Variants in CBFA2T2 observed in about 807,000 individuals in gnomAD.
The protein encoded by CBFA2T2 is protein CBFA2T2.
In CBFA2T2, 11 loss-of-function variants were observed where a neutral mutation model predicts 62.2. The observed-to-expected ratio is 0.18, with a 90% CI of 0.11 to 0.29. The LOEUF is 0.29. Ranked by LOEUF, CBFA2T2 falls within the 10% of genes least tolerant of loss-of-function variation. The probability of loss-of-function intolerance (pLI) is 1.00; values close to 1 mark genes in which losing one functional copy is unlikely to be tolerated. For missense variants in CBFA2T2, 592 were observed against 774.1 expected (o/e 0.76, Z 2.79); for synonymous variants, 295 against 287.5 (o/e 1.03, Z -0.27).
intron 1 of CBFA2T2, among the ~76,000 whole-genome samples, chr20:33,565,765 T>C (rs2013284304): frequency 6.6e-6 from 1 of 152,176 alleles, no homozygotes; most frequent in African/African-American, 2.4e-5. Flanking sequence ...TTCTCCTAAA[T>C]TGGCTTCCAG....
intron 1 of CBFA2T2, among the ~76,000 whole-genome samples, chr20:33,556,310 GATTAC>G (rs2146888749): frequency 6.6e-6 from 1 of 152,080 alleles, no homozygotes; most frequent in East Asian, 1.9e-4. Flanking sequence ...GTTACCTTAT[GATTAC>G]ATTAATGTTA....
chr20:33,530,611 T>C lies in CBFA2T2; in HGVS notation c.34+40310T>C, dbSNP rs111558272. Among the ~76,000 whole-genome samples the C allele has an allele frequency of 2.3e-3, 350 of 151,218 alleles. 1 individual carries two copies. The highest frequency in any genetic ancestry group is 8.1e-3 in the African/African-American group (336 of 41,276). On this transcript the variant is annotated intron_variant, in intron 1 of 10. Coordinates refer to ENST00000342704, the MANE Select transcript of CBFA2T2 (RefSeq NM_001032999.3). ...TTTGTATTTTTTGTAAAGACGGGGT[T>C]TCACTATGTTGGCCAGGCTGGTCTC...
chr20:33,509,846 G>C (rs1640791628), intron 1 of CBFA2T2, among the ~76,000 whole-genome samples: 1 of 149,820 alleles, frequency 6.7e-6, no homozygotes, highest in African/African-American at 2.5e-5. Flanking sequence ...TTAAATACAA[G>C]TTCTAGGGTA....
intron 1 of CBFA2T2, 40 bp downstream of exon 1, chr20:33,490,341 T>C: frequency 7.9e-7 from 1 of 1,268,966 alleles, no homozygotes; most frequent in Middle Eastern, 2.8e-4. Context: ...GGGGGGCGTG[T>C]GAGGGCCTGC....
At chr20:33,545,683 G>A (rs35556109) in intron 1 of CBFA2T2, among the ~76,000 whole-genome samples, 44,602 of 151,790 alleles carry the variant, frequency 0.29, 6,660 homozygotes, top group East Asian at 0.35. Context: ...CTGACGTCAG[G>A]TTATCTGTCC....
chr20:33,526,808 A>G (rs1045583441), intron 1 of CBFA2T2, among the ~76,000 whole-genome samples: 1 of 152,172 alleles, frequency 6.6e-6, no homozygotes, highest in Non-Finnish European at 1.5e-5. Context: ...TATGAAGACA[A>G]CTCTGAGAGG....
At chr20:33,559,124 T>C (rs1284919653) in intron 1 of CBFA2T2, among the ~76,000 whole-genome samples, 1 of 151,906 alleles carries the variant, frequency 6.6e-6, no homozygotes, top group East Asian at 1.9e-4. Context: ...ACTCATGATT[T>C]AAACATTTTA....
Position 33,522,816 on chromosome 20 carries a change from T to G in CBFA2T2, c.34+32515T>G, listed in dbSNP as rs545301961. Among the ~76,000 whole-genome samples the G allele has an allele frequency of 2.0e-5, 3 of 152,208 alleles. No individual in the cohort carries two copies. The East Asian group carries it at 5.8e-4, about 29-fold the overall frequency. On this transcript the variant is annotated intron_variant, in intron 1 of 10. Transcript: ENST00000342704. ...TGTTATTTTAGAAACAATTATACCA[T>G]TGAGATGCATGAAGAGAGCTAGTAG... is the stretch of plus-strand genomic sequence containing the variant.
intron 3 of CBFA2T2, among the ~76,000 whole-genome samples, chr20:33,616,128 GATA>G (rs1313115766): frequency 6.1e-5 from 9 of 147,644 alleles, no homozygotes; most frequent in African/African-American, 1.7e-4. Context: ...TAGATAGATA[GATA>G]GATGACAGAG....
intron 1 of CBFA2T2, among the ~76,000 whole-genome samples, chr20:33,545,993 A>G (rs920153367): frequency 6.6e-6 from 1 of 152,250 alleles, no homozygotes; most frequent in African/African-American, 2.4e-5. Flanking sequence ...TTACTGTAGT[A>G]GGATGTTTTG....
At chr20:33,527,863 GTTTGT>G (rs2011934082) in intron 1 of CBFA2T2, among the ~76,000 whole-genome samples, 3 of 151,964 alleles carry the variant, frequency 2.0e-5, no homozygotes, top group Middle Eastern at 6.8e-3. Context: ...TATATTTTAT[GTTTGT>G]TTTATTTTCT....
At chr20:33,605,613 G>A (rs2015310364) in intron 1 of CBFA2T2, among the ~76,000 whole-genome samples, 1 of 152,214 alleles carries the variant, frequency 6.6e-6, no homozygotes, top group South Asian at 2.1e-4. Flanking sequence ...TTGCCATTTA[G>A]TATTATCAAA....
intron 1 of CBFA2T2, among the ~76,000 whole-genome samples, chr20:33,536,375 C>T (rs372226436): frequency 8.4e-5 from 12 of 143,472 alleles, no homozygotes; most frequent in East Asian, 4.3e-4. Context: ...TAGGGGCGGC[C>T]GGGCAGAGGC....
intron 1 of CBFA2T2, among the ~76,000 whole-genome samples, chr20:33,597,344 G>A (rs2014935586): frequency 6.6e-6 from 1 of 152,132 alleles, no homozygotes; most frequent in Non-Finnish European, 1.5e-5. Context: ...AAAATTCTAA[G>A]ATTCAATTTA....
intron 1 of CBFA2T2, among the ~76,000 whole-genome samples, chr20:33,584,546 C>T (rs895409435): frequency 1.1e-4 from 16 of 152,106 alleles, no homozygotes; most frequent in African/African-American, 3.4e-4. Flanking sequence ...CGTGAGCCAC[C>T]GCGCCCGGCC....
chr20:33,545,010 T>TAGAATAGAATAGAACAGAAC (rs1428313497), intron 1 of CBFA2T2, among the ~76,000 whole-genome samples: 4 of 113,942 alleles, frequency 3.5e-5, no homozygotes, highest in African/African-American at 1.0e-4. Context: ...TAGAATAGAA[T>TAGAATAGAATAGAACAGAAC]AGAACAGAAC....
intron 1 of CBFA2T2, among the ~76,000 whole-genome samples, chr20:33,598,114 G>A (rs1190787693): frequency 1.3e-5 from 2 of 152,142 alleles, no homozygotes; most frequent in Non-Finnish European, 2.9e-5. Context: ...CAAGGCAAGT[G>A]GAGGCAGGGC....
At chr20:33,616,144 A>G (rs907098384) in intron 3 of CBFA2T2, among the ~76,000 whole-genome samples, 2 of 151,076 alleles carry the variant, frequency 1.3e-5, no homozygotes, top group African/African-American at 2.4e-5. Flanking sequence ...TGACAGAGCA[A>G]TACTCTGTAG....
rs752417820 is a variant in CBFA2T2 at position 33,636,599 on chromosome 20, A to G, written c.1229-41A>G. The G allele has an allele frequency of 5.4e-5, 79 of 1,462,454 alleles. No homozygotes were observed. In the East Asian group the frequency reaches 1.7e-3, roughly 32 times the overall value. 90.6% of individuals were successfully genotyped at this position (1,462,454 alleles called of 1,614,324 possible). The stretch of plus-strand genomic sequence containing the variant: ...GATCAAAAATAAAACTGCTGATCAT[A>G]GACAGCTTCTGACCCTATGCTTTTT... On this transcript the variant is annotated intron_variant, in intron 8 of 10. Coordinates refer to ENST00000342704, the MANE Select transcript of CBFA2T2 (RefSeq NM_001032999.3).
Sources: gnomAD v4.1 joint callset for allele counts (sites outside exome capture counted in the v4.1 genomes callset) on GRCh38, gnomAD v4.1.1 for gene constraint, MANE v1.5 for transcripts, NCBI Gene and HGNC (gene_info 2026-07-23, HGNC 2026-07-21) for gene names.